GPBP1L1: variants seen among roughly 807,000 people sequenced by gnomAD.
GPBP1L1 encodes vasculin-like protein 1.
In GPBP1L1, 23 loss-of-function variants were observed where a neutral mutation model predicts 52.5. That is an observed-to-expected ratio of 0.44 (90% CI 0.32 to 0.62). The LOEUF (loss-of-function observed/expected upper bound fraction) is 0.62, where lower values mean the gene tolerates loss of function less well. Ranked by LOEUF, GPBP1L1 falls within the 20% of genes least tolerant of loss-of-function variation. GPBP1L1 has a pLI of 0.06. For missense variants in GPBP1L1, 596 were observed against 579.3 expected (o/e 1.03, Z -0.30); for synonymous variants, 243 against 203.1 (o/e 1.20, Z -1.67).
intron 2 of GPBP1L1, among the ~76,000 whole-genome samples, chr1:45,663,787 CA>C (rs1644975599): frequency 6.6e-6 from 1 of 152,104 alleles, no homozygotes; most frequent in Non-Finnish European, 1.5e-5. Context: ...CTCTATTAGT[CA>C]AAAGTTTTTG....
chr1:45,680,712 C>A (rs972198190), intron 2 of GPBP1L1, among the ~76,000 whole-genome samples: 3 of 152,040 alleles, frequency 2.0e-5, no homozygotes, highest in African/African-American at 7.3e-5. Flanking sequence ...TTATTTCACC[C>A]CTTTTTGTCC....
intron 2 of GPBP1L1, among the ~76,000 whole-genome samples, chr1:45,683,856 A>G (rs1323410984): frequency 6.6e-6 from 1 of 151,886 alleles, no homozygotes; most frequent in Non-Finnish European, 1.5e-5. Context: ...TGAGAGGTGG[A>G]GGCTGCAGTG....
intron 2 of GPBP1L1, among the ~76,000 whole-genome samples, chr1:45,675,283 G>C (rs769366640): frequency 3.8e-4 from 57 of 151,670 alleles, no homozygotes; most frequent in Non-Finnish European, 6.2e-4. Flanking sequence ...GCAACAGAGC[G>C]AGACTCTGTC....
chr1:45,642,156 A>C (rs1644682655), intron 7 of GPBP1L1, among the ~76,000 whole-genome samples: 1 of 152,068 alleles, frequency 6.6e-6, no homozygotes. Flanking sequence ...ACTAACAAAC[A>C]CCACCAAAAC....
chr1:45,629,454 T>TCCTCCCCC, intron 12 of GPBP1L1, 122 bp downstream of exon 12: 3 of 115,396 alleles, frequency 2.6e-5, no homozygotes, highest in Middle Eastern at 3.5e-3. Flanking sequence ...ACTAAGGTAA[T>TCCTCCCCC]CCCCCCCCCC....
At chr1:45,682,950 G>C (rs1441722285) in intron 2 of GPBP1L1, among the ~76,000 whole-genome samples, 1 of 151,970 alleles carries the variant, frequency 6.6e-6, no homozygotes, top group African/African-American at 2.4e-5. Context: ...GCACAACCAC[G>C]TATTAAATTC....
intron 2 of GPBP1L1, among the ~76,000 whole-genome samples, chr1:45,677,888 T>C (rs1318225459): frequency 1.3e-5 from 2 of 152,212 alleles, no homozygotes; most frequent in African/African-American, 2.4e-5. Context: ...AATTCTCATA[T>C]ATTGCTGATT....
chr1:45,646,686 T>A (rs1022208376), intron 6 of GPBP1L1, among the ~76,000 whole-genome samples: 2 of 151,734 alleles, frequency 1.3e-5, no homozygotes, highest in Non-Finnish European at 2.9e-5. Flanking sequence ...GCCTCCCGAG[T>A]AGCTAGGACT....
At chr1:45,649,127 A>G (rs1644789561) in intron 6 of GPBP1L1, among the ~76,000 whole-genome samples, 1 of 152,210 alleles carries the variant, frequency 6.6e-6, no homozygotes, top group Admixed American at 6.5e-5. Context: ...CCACACTCAA[A>G]AAGTTTTAGA....
At chr1:45,677,934 G>C (rs1645166408) in intron 2 of GPBP1L1, among the ~76,000 whole-genome samples, 1 of 152,118 alleles carries the variant, frequency 6.6e-6, no homozygotes, top group South Asian at 2.1e-4. Flanking sequence ...TTTGGAAACT[G>C]GCAAACAAGT....
In GPBP1L1 at chr1:45,681,925, A is replaced by T. The variant is rs1320196258; in HGVS notation, c.-1098+3651T>A. 2.0e-5 allele frequency among the ~76,000 whole-genome samples: 3 copies of T among 152,184 alleles called. No homozygotes were observed. In the East Asian group the frequency reaches 5.8e-4, roughly 29 times the overall value. On this transcript the variant is annotated intron_variant, in intron 2 of 12. Coordinates refer to ENST00000355105, the MANE Select transcript of GPBP1L1 (RefSeq NM_021639.5). ...CTTTGGAATCACAGAAAGCGGCCCA[A>T]ATCTCCATCTCTATGTTACCGAAAT...
rs767120306 is a variant in GPBP1L1 at position 45,633,604 on chromosome 1, C to T, written c.929G>A (p.Arg310His). 1.2e-5 allele frequency: 19 copies of T among 1,613,746 alleles called. No homozygotes were observed. Among genetic ancestry groups the T allele is most frequent in the African/African-American group, 4.0e-5 (3 of 74,814 alleles). Residue 310 changes from arginine to histidine, a missense_variant, in exon 10 of 13, where the codon CGT (arginine) becomes CAT (histidine). Arg to His is a conservative substitution (Grantham distance 29, BLOSUM62 0). Transcript: ENST00000355105. ...TTPPIEISSS[R>H]LTKLTRRTTD... ...GGTTCGGCGGGTCAACTTGGTCAGA[C>T]GAGAGGAGCTGATCTCAATTGGAGG...
At chr1:45,680,459 A>G (rs1426334554) in intron 2 of GPBP1L1, among the ~76,000 whole-genome samples, 1 of 151,894 alleles carries the variant, frequency 6.6e-6, no homozygotes. Context: ...GCCTGGTCTT[A>G]AACTCCTGGC....
At chr1:45,678,261 C>T (rs965528161) in intron 2 of GPBP1L1, among the ~76,000 whole-genome samples, 3 of 152,162 alleles carry the variant, frequency 2.0e-5, no homozygotes, top group Non-Finnish European at 2.9e-5. Flanking sequence ...ACCACTAAAT[C>T]GAACACTTTA....
At chr1:45,638,254 A>C (rs1183648408) in intron 8 of GPBP1L1, among the ~76,000 whole-genome samples, 1 of 152,098 alleles carries the variant, frequency 6.6e-6, no homozygotes, top group Non-Finnish European at 1.5e-5. Flanking sequence ...TTCCTCATCC[A>C]TTCACTTATC....
intron 12 of GPBP1L1, 122 bp downstream of exon 12, chr1:45,629,454 T>TTCCCCGC (rs758811981): frequency 8.5e-6 from 1 of 117,304 alleles, no homozygotes; most frequent in African/African-American, 5.1e-5. Flanking sequence ...ACTAAGGTAA[T>TTCCCCGC]CCCCCCCCCC....
chr1:45,660,166 C>T lies in GPBP1L1; in HGVS notation c.-56+18G>A. ...CATAGAGTCTTCTTTCCAAGTTAGA[C>T]ATATGGAGAATATTTACCCCAGAGT... On this transcript the variant is annotated intron_variant, in intron 3 of 12. Coordinates refer to ENST00000355105, the MANE Select transcript of GPBP1L1 (RefSeq NM_021639.5). The T allele has an allele frequency of 2.0e-6, 2 of 984,174 alleles. No homozygotes were observed. The highest frequency in any genetic ancestry group is 2.4e-6 in the Non-Finnish European group (2 of 828,864). 61.0% of individuals were successfully genotyped at this position (984,174 alleles called of 1,614,324 possible). A position where few individuals can be genotyped will look rare whatever the true frequency, so the allele number is the denominator to read the frequency against.
chr1:45,669,620 C>A (rs1645050335), intron 2 of GPBP1L1, among the ~76,000 whole-genome samples: 1 of 102,922 alleles, frequency 9.7e-6, no homozygotes. Flanking sequence ...GGGTATGACC[C>A]CCCCTCCAAC....
rs760158814 is a variant in GPBP1L1 at position 45,633,613 on chromosome 1, C to G, written c.920G>C (p.Ser307Thr). 1 of 1,613,974 alleles carries G rather than the reference C, an allele frequency of 6.2e-7. No homozygotes were observed. The highest frequency in any genetic ancestry group is 8.5e-7 in the Non-Finnish European group (1 of 1,179,984). ...PSSTTPPIEI[S>T]SSRLTKLTRR... is the part of the protein sequence containing the mutation. ...GGTCAACTTGGTCAGACGAGAGGAG[C>G]TGATCTCAATTGGAGGGGTGGTGCT... The change falls in exon 10 of 13, where the codon AGC becomes ACC. Residue 307 changes from serine (S) to threonine (T), a missense_variant. Coordinates refer to ENST00000355105, the MANE Select transcript of GPBP1L1 (RefSeq NM_021639.5).
Sources: gnomAD v4.1 joint callset for allele counts (sites outside exome capture counted in the v4.1 genomes callset) on GRCh38, gnomAD v4.1.1 for gene constraint, MANE v1.5 for transcripts, NCBI Gene and HGNC (gene_info 2026-07-23, HGNC 2026-07-21) for gene names.